The following FAT3 variants were observed in gnomAD, a reference collection of about 807,000 sequenced individuals.
The protein encoded by FAT3 is FAT atypical cadherin 3.
In FAT3, 95 loss-of-function variants were observed where a neutral mutation model predicts 310.2. That is an observed-to-expected ratio of 0.31 (90% CI 0.26 to 0.36). FAT3 has a LOEUF of 0.36. Among genes scored for constraint, FAT3 ranks in the 10% least tolerant of loss-of-function variants. FAT3 has a pLI of 1.00. For missense variants in FAT3, 5,408 were observed against 5,715.6 expected (o/e 0.95, Z 1.74); for synonymous variants, 2,314 against 2,192.9 (o/e 1.06, Z -1.54).
chr11:92,358,357 T>C (rs917121829), intron 2 of FAT3, among the ~76,000 whole-genome samples: 12 of 152,198 alleles, frequency 7.9e-5, no homozygotes, highest in African/African-American at 2.7e-4. Context: ...ATATAAGCTG[T>C]ATCTTGAACC....
At chr11:92,256,109 T>C (rs1865304871) in intron 1 of FAT3, among the ~76,000 whole-genome samples, 1 of 152,206 alleles carries the variant, frequency 6.6e-6, no homozygotes, top group African/African-American at 2.4e-5. Flanking sequence ...AACTTGTTGC[T>C]GAGTCTAAAT....
chr11:92,618,586 T>C (rs1940934639), intron 3 of FAT3, among the ~76,000 whole-genome samples: 1 of 152,218 alleles, frequency 6.6e-6, no homozygotes, highest in Admixed American at 6.5e-5. Context: ...ACTGGAGCTG[T>C]TCCTATTCGG....
At chr11:92,428,866 G>A (rs558603232) in intron 2 of FAT3, among the ~76,000 whole-genome samples, 1 of 152,286 alleles carries the variant, frequency 6.6e-6, no homozygotes, top group South Asian at 2.1e-4. Context: ...TTGATTCGGG[G>A]TGGAGAGTTC....
At chr11:92,755,505 T>G (rs1011140606) in intron 4 of FAT3, among the ~76,000 whole-genome samples, 1 of 152,206 alleles carries the variant, frequency 6.6e-6, no homozygotes, top group South Asian at 2.1e-4. Flanking sequence ...ATTACAGGCA[T>G]GAACCACTAC....
chr11:92,454,580 AG>A (rs1305008997), intron 2 of FAT3, among the ~76,000 whole-genome samples: 1 of 152,208 alleles, frequency 6.6e-6, no homozygotes, highest in Non-Finnish European at 1.5e-5. Flanking sequence ...GGAAGTCAGC[AG>A]GAAGGGATTC....
At chr11:92,846,132 A>G (rs532845547) in intron 19 of FAT3, among the ~76,000 whole-genome samples, 1 of 152,320 alleles carries the variant, frequency 6.6e-6, no homozygotes, top group South Asian at 2.1e-4. Flanking sequence ...TGACAAACTG[A>G]TACACCAAAG....
At chr11:92,642,073 C>A (rs1941985182) in intron 3 of FAT3, among the ~76,000 whole-genome samples, 2 of 152,326 alleles carry the variant, frequency 1.3e-5, no homozygotes, top group South Asian at 4.1e-4. Flanking sequence ...ACAGCTGTGG[C>A]AGGTCATGAA....
chr11:92,265,396 T>C (rs1422506614), intron 1 of FAT3, among the ~76,000 whole-genome samples: 1 of 152,032 alleles, frequency 6.6e-6, no homozygotes. Context: ...TGCAGATAAA[T>C]TGGTGAATGG....
rs1408175812 is a variant in FAT3 at position 92,352,169 on chromosome 11, C to T, written c.57C>T (p.Ile19=). ...CACGGCCTCCTGCTTGTTGCCTCAT[C>T]CTCCTGCTTTTCAAGCTTTTGGCCA... The part of the protein sequence containing the change: ...VGTRPPACCL[I]LLLFKLLATV... Residue 19 remains isoleucine (I), a synonymous_variant, in exon 2 of 28, where the codon ATC becomes ATT. Coordinates refer to ENST00000525166, the MANE Select transcript of FAT3 (RefSeq NM_001367949.2). 7.3e-7 allele frequency: 1 copy of T among 1,371,062 alleles called. No homozygotes were observed. The highest frequency in any genetic ancestry group is 9.8e-7 in the Non-Finnish European group (1 of 1,024,724). 84.9% of individuals were successfully genotyped at this position (1,371,062 alleles called of 1,614,324 possible).
In FAT3 at chr11:92,675,797, A is replaced by G. The variant is rs142533107; in HGVS notation, c.3608-21587A>G. The stretch of plus-strand genomic sequence containing the variant: ...AACCATTCGGAGAAAAGTGAAACAC[A>G]AGATTCATTTCTCTTGTATTATTTC... On this transcript the variant is annotated intron_variant, in intron 3 of 27. Transcript: ENST00000525166. 3.5e-3 allele frequency among the ~76,000 whole-genome samples: 535 copies of G among 152,334 alleles called. 2 individuals are homozygous for G. The highest frequency in any genetic ancestry group is 6.3e-3 in the Non-Finnish European group (427 of 68,036).
intron 1 of FAT3, among the ~76,000 whole-genome samples, chr11:92,351,132 A>G (rs1948553528): frequency 6.6e-6 from 1 of 152,130 alleles, no homozygotes; most frequent in Non-Finnish European, 1.5e-5. Context: ...TAATTTCTAA[A>G]GTTTTTCTTG....
Position 92,799,710 on chromosome 11 carries a change from A to G in FAT3, c.6697A>G (p.Ile2233Val), listed in dbSNP as rs987918379. Residue 2233 changes from isoleucine (I) to valine (V), a missense_variant, in exon 10 of 28, where the codon ATT (isoleucine) becomes GTT (valine). Ile to Val is a conservative substitution (Grantham distance 29). Coordinates refer to ENST00000525166, the MANE Select transcript of FAT3 (RefSeq NM_001367949.2). ...IDGDPFKQFN[I>V]DFDTGVLKVV... ...TGGGGACCCTTTTAAACAGTTTAACATTGACTTTGACACTGGGGTCCTGAA... is the reference window on the plus strand; with the variant it reads ...TGGGGACCCTTTTAAACAGTTTAACGTTGACTTTGACACTGGGGTCCTGAA... 4 of 1,613,044 alleles carry G rather than the reference A, an allele frequency of 2.5e-6. No individual in the cohort carries two copies. Among genetic ancestry groups the G allele is most frequent in the African/African-American group, 1.3e-5 (1 of 74,912 alleles).
chr11:92,516,249 G>C (rs967692071), intron 2 of FAT3, among the ~76,000 whole-genome samples: 6 of 151,998 alleles, frequency 3.9e-5, no homozygotes, highest in African/African-American at 9.7e-5. Flanking sequence ...ATAAAATACT[G>C]GCAAACTGAA....
At chr11:92,554,496 A>G (rs1039803966) in intron 3 of FAT3, among the ~76,000 whole-genome samples, 75 of 124,608 alleles carry the variant, frequency 6.0e-4, no homozygotes, top group African/African-American at 2.0e-3. Context: ...AAAAAAAAAA[A>G]AAGAATGGAG....
At chr11:92,486,912 C>A (rs1244137131) in intron 2 of FAT3, among the ~76,000 whole-genome samples, 1 of 152,112 alleles carries the variant, frequency 6.6e-6, no homozygotes, top group African/African-American at 2.4e-5. Flanking sequence ...GCAATCATTT[C>A]ATTAAATGGA....
chr11:92,662,812 G>A (rs1197122567), intron 3 of FAT3, among the ~76,000 whole-genome samples: 1 of 152,134 alleles, frequency 6.6e-6, no homozygotes, highest in Non-Finnish European at 1.5e-5. Context: ...ATTCCCCACT[G>A]GGAACTGACT....
In FAT3 at chr11:92,867,183, G is replaced by C. The variant is rs1387778812; in HGVS notation, c.12101G>C (p.Gly4034Ala). The C allele has an allele frequency of 1.3e-6, 2 of 1,586,428 alleles. No individual in the cohort carries two copies. Among genetic ancestry groups the C allele is most frequent in the African/African-American group, 1.3e-5 (1 of 74,754 alleles). ...ACKRSPCQHG[G>A]SCTGLPSGGY... ...AAGCGCAGCCCGTGCCAGCACGGGG[G>C]CAGCTGCACTGGCCTGCCATCGGGG... Residue 4034 changes from glycine to alanine, a missense_variant, in exon 22 of 28, where the codon GGC becomes GCC. By Grantham distance (60) the Gly-to-Ala change is moderately conservative. Coordinates refer to ENST00000525166, the MANE Select transcript of FAT3 (RefSeq NM_001367949.2).
chr11:92,544,106 T>G (rs146593128), intron 3 of FAT3, among the ~76,000 whole-genome samples: 1 of 152,202 alleles, frequency 6.6e-6, no homozygotes, highest in Admixed American at 6.5e-5. Context: ...TCAGCCCTTG[T>G]GTAGAGAAGA....
chr11:92,627,707 G>A (rs527516085), intron 3 of FAT3, among the ~76,000 whole-genome samples: 63 of 152,264 alleles, frequency 4.1e-4, no homozygotes, highest in African/African-American at 1.4e-3. Flanking sequence ...ACGTTCCTTA[G>A]CAATAACATG....
Sources: allele counts gnomAD v4.1 joint callset (sites outside exome capture counted in the v4.1 genomes callset), GRCh38; gene constraint gnomAD v4.1.1; transcripts MANE v1.5; gene names NCBI Gene and HGNC (gene_info 2026-07-23, HGNC 2026-07-21).